The following SPG11 variants were observed in gnomAD, a reference collection of about 807,000 sequenced individuals.
SPG11 encodes the protein SPG11 vesicle trafficking associated, spatacsin.
SPG11 carries 222 observed loss-of-function variants against 274.0 expected under a neutral mutation model. The ratio of observed to expected loss-of-function variants is 0.81; its 90% CI spans 0.73 to 0.91. SPG11 has a LOEUF of 0.91. Among genes scored for constraint, SPG11 ranks in the 40% least tolerant of loss-of-function variants. The probability of loss-of-function intolerance (pLI) is 0.00; values close to 1 mark genes in which losing one functional copy is unlikely to be tolerated. For missense variants in SPG11, 3,114 were observed against 2,872.7 expected (o/e 1.08, Z -1.92); for synonymous variants, 1,144 against 1,039.7 (o/e 1.10, Z -1.93).
intron 38 of SPG11, among the ~76,000 whole-genome samples, chr15:44,565,453 A>G (rs1443839047): frequency 6.6e-6 from 1 of 152,152 alleles, no homozygotes; most frequent in Non-Finnish European, 1.5e-5. Context: ...ATGCTCCTAT[A>G]AAAATATAGT....
chr15:44,643,236 T>C (rs2084507445), intron 7 of SPG11, among the ~76,000 whole-genome samples: 1 of 152,186 alleles, frequency 6.6e-6, no homozygotes, highest in African/African-American at 2.4e-5. Flanking sequence ...CTCTTTGTGC[T>C]TCAGCTTCCT....
chr15:44,652,008 G>A, intron 5 of SPG11, 69 bp from the exon 6 acceptor site: 1 of 1,567,028 alleles, frequency 6.4e-7, no homozygotes, highest in South Asian at 1.2e-5. Context: ...CACTAAACCA[G>A]GGCAAAGATG....
chr15:44,573,662 G>C lies in SPG11; in HGVS notation c.6090C>G (p.Asp2030Glu). 6.2e-7 allele frequency: 1 copy of C among 1,614,210 alleles called. No homozygotes were observed. The highest frequency in any genetic ancestry group is 8.5e-7 in the Non-Finnish European group (1 of 1,180,042). The change falls in exon 32 of 40, where the codon GAC (aspartate) becomes GAG (glutamate). Residue 2030 changes from aspartate (D) to glutamate (E), a missense_variant. By Grantham distance (45) the Asp-to-Glu change is conservative. Transcript: ENST00000261866. ...LRKILASQQP[D>E]RCKRAQAFIS... ...TGAAGGCCTGGGCTCGTTTGCATCGGTCAGGCTGCTGAGAGGCCAAGATTT... is the reference window on the plus strand; with the variant it reads ...TGAAGGCCTGGGCTCGTTTGCATCGCTCAGGCTGCTGAGAGGCCAAGATTT...
chr15:44,565,898 G>A lies in SPG11; in HGVS notation c.6955C>T (p.His2319Tyr). The change falls in exon 38 of 40, where the codon CAC (histidine) becomes TAC (tyrosine). Residue 2319 changes from histidine to tyrosine, a missense_variant. By Grantham distance (83) the His-to-Tyr change is moderately conservative (BLOSUM62 2). Transcript: ENST00000261866. ...QNTMLINLGR[H>Y]KLMDCILALP... Reference sequence around the variant, plus strand: ...GCCAGAATACAGTCCATCAGCTTGTGGCGGCCCAAGTTGATGAGCATTGTG... The same window carrying A: ...GCCAGAATACAGTCCATCAGCTTGTAGCGGCCCAAGTTGATGAGCATTGTG... 1 of 1,613,750 alleles carries A rather than the reference G, an allele frequency of 6.2e-7. No homozygotes were observed. Among genetic ancestry groups the A allele is most frequent in the Non-Finnish European group, 8.5e-7 (1 of 1,179,970 alleles).
At position 44,613,507 on chromosome 15, in the gene SPG11, T is replaced by C. The variant is rs143145331; in HGVS notation, c.3068A>G (p.Glu1023Gly). Residue 1023 changes from glutamate (E) to glycine (G), a missense_variant, in exon 17 of 40, where the codon GAA becomes GGA. Coordinates refer to ENST00000261866, the MANE Select transcript of SPG11 (RefSeq NM_025137.4). ...GTGTGCTTCATGTAACTCTTTTTTT[T>C]CCAAAAAGGGACAATTTTCAGGACT... is the stretch of plus-strand genomic sequence containing the variant. ...KLSPENCPFL[E>G]KKELHEAHPW... 302 of 1,613,700 alleles carry C rather than the reference T, an allele frequency of 1.9e-4. 1 individual carries two copies. In the African/African-American group the frequency reaches 3.5e-3, roughly 19 times the overall value.
chr15:44,661,616 G>GT (rs1306459265), intron 1 of SPG11, among the ~76,000 whole-genome samples: 4 of 151,254 alleles, frequency 2.6e-5, no homozygotes, highest in Non-Finnish European at 5.9e-5. Flanking sequence ...TCCTTATTAG[G>GT]TAAAAAAAAG....
At chr15:44,573,787 C>T (rs1020106440) in intron 31 of SPG11, 42 bp from the exon 32 acceptor site, 8 of 1,601,132 alleles carry the variant, frequency 5.0e-6, no homozygotes, top group Admixed American at 1.7e-5. Context: ...TTTTAGAAGC[C>T]AGGAAAAAGC....
At chr15:44,647,356 T>A (rs1472472977) in intron 7 of SPG11, among the ~76,000 whole-genome samples, 2 of 152,220 alleles carry the variant, frequency 1.3e-5, no homozygotes, top group Non-Finnish European at 2.9e-5. Context: ...GTGCAGTCAC[T>A]GTGGAAGTTT....
intron 26 of SPG11, among the ~76,000 whole-genome samples, chr15:44,593,889 G>A (rs1052913711): frequency 3.3e-5 from 5 of 149,964 alleles, no homozygotes; most frequent in Non-Finnish European, 5.9e-5. Context: ...AAGCAGCTGG[G>A]TTTACAGGTG....
intron 6 of SPG11, among the ~76,000 whole-genome samples, chr15:44,651,043 C>T (rs767928402): frequency 1.4e-4 from 21 of 152,108 alleles, no homozygotes; most frequent in Non-Finnish European, 2.5e-4. Context: ...CCACCGCACC[C>T]GGCAGATCTT....
chr15:44,636,967 A>AAAAC (rs2084294490), intron 7 of SPG11, among the ~76,000 whole-genome samples: 1 of 147,270 alleles, frequency 6.8e-6, no homozygotes, highest in South Asian at 2.2e-4. Context: ...ACAAAAAAAA[A>AAAAC]ACACAAATGT....
At chr15:44,597,923 C>T (rs1025759451) in intron 23 of SPG11, among the ~76,000 whole-genome samples, 1 of 152,130 alleles carries the variant, frequency 6.6e-6, no homozygotes, top group African/African-American at 2.4e-5. Flanking sequence ...TTTTTCCAAT[C>T]CTCCAAGACA....
chr15:44,648,512 C>CAAA (rs57643988), intron 7 of SPG11, among the ~76,000 whole-genome samples: 672 of 54,166 alleles, frequency 0.012, 6 homozygotes, highest in African/African-American at 0.036. Flanking sequence ...CACCCTGTGT[C>CAAA]AAAAAAAAAA....
intron 30 of SPG11, among the ~76,000 whole-genome samples, chr15:44,576,497 A>G (rs906690200): frequency 6.6e-6 from 1 of 151,474 alleles, no homozygotes; most frequent in Admixed American, 6.6e-5. Flanking sequence ...AACTACAAAA[A>G]AATTAGCTGG....
intron 33 of SPG11, chr15:44,572,434 A>G (rs779175240): frequency 4.7e-5 from 23 of 486,844 alleles, no homozygotes; most frequent in African/African-American, 7.8e-5. Flanking sequence ...GCAGGGCAAT[A>G]TAAGAGTGAA....
chr15:44,566,436 C>T (rs1372540642), intron 36 of SPG11, 131 bp from the exon 37 acceptor site: 10 of 870,856 alleles, frequency 1.1e-5, no homozygotes, highest in Non-Finnish European at 1.9e-5. Flanking sequence ...ACACCTCACT[C>T]AGATAAAGGT....
At chr15:44,649,129 T>TTG in intron 6 of SPG11, 118 bp from the exon 7 acceptor site, 3 of 788,352 alleles carry the variant, frequency 3.8e-6, no homozygotes, top group Non-Finnish European at 6.3e-6. Flanking sequence ...ATATTTATAT[T>TTG]TACTGGATAT....
chr15:44,579,786 A>G (rs1321812572), intron 30 of SPG11, among the ~76,000 whole-genome samples: 1 of 152,232 alleles, frequency 6.6e-6, no homozygotes, highest in East Asian at 1.9e-4. Flanking sequence ...TACGTGCTGT[A>G]TAACCATGTT....
chr15:44,565,700 A>C (rs2082293105), intron 38 of SPG11, among the ~76,000 whole-genome samples, 154 bp downstream of exon 38: 1 of 152,162 alleles, frequency 6.6e-6, no homozygotes, highest in Admixed American at 6.5e-5. Flanking sequence ...AAATACATCA[A>C]ATTGCCGTTC....
Sources: allele counts gnomAD v4.1 joint callset (sites outside exome capture counted in the v4.1 genomes callset), GRCh38; gene constraint gnomAD v4.1.1; transcripts MANE v1.5; gene names NCBI Gene and HGNC (gene_info 2026-07-23, HGNC 2026-07-21).